DMD: variants seen among roughly 807,000 people sequenced by gnomAD.
The protein encoded by DMD is dystrophin.
In DMD, 63 loss-of-function variants were observed where a neutral mutation model predicts 330.1. That is an observed-to-expected ratio of 0.19 (90% CI 0.16 to 0.24). The LOEUF (loss-of-function observed/expected upper bound fraction) is 0.24. DMD is among the 10% of genes least tolerant of loss of function. DMD has a pLI of 1.00. For missense variants in DMD, 3,344 were observed against 2,684.1 expected (o/e 1.25, Z -5.43); for synonymous variants, 1,223 against 959.8 (o/e 1.27, Z -5.07).
intron 21 of DMD, among the ~76,000 whole-genome samples, chrX:32,479,060 T>A (rs1180044975): frequency 9.0e-6 from 1 of 111,314 alleles, no homozygotes; most frequent in Non-Finnish European, 1.9e-5. Context: ...AATTTAAGAG[T>A]TTTTTTCTTT....
chrX:33,192,239 T>C (rs1167490099), intron 1 of DMD, among the ~76,000 whole-genome samples: 1 of 112,063 alleles, frequency 8.9e-6, no homozygotes, highest in African/African-American at 3.2e-5. Flanking sequence ...AGCATAACAG[T>C]CATGTTTTAT....
intron 52 of DMD, among the ~76,000 whole-genome samples, chrX:31,697,123 G>T (rs956042229): frequency 2.7e-5 from 3 of 111,639 alleles, no homozygotes; most frequent in African/African-American, 9.7e-5. Context: ...CCTGGTAATT[G>T]TCCATAACTG....
At chrX:32,589,965 A>G (rs772014736) in intron 13 of DMD, among the ~76,000 whole-genome samples, 3 of 112,026 alleles carry the variant, frequency 2.7e-5, no homozygotes, top group African/African-American at 9.7e-5. Flanking sequence ...ATAGAGAAAG[A>G]TAGACTCACC....
chrX:31,275,948 G>A, intron 62 of DMD, among the ~76,000 whole-genome samples: 1 of 111,777 alleles, frequency 8.9e-6, no homozygotes, highest in African/African-American at 3.3e-5. Context: ...AAGGCTTTAG[G>A]GCAACTTATA....
chrX:31,940,497 A>T (rs1259840412), intron 45 of DMD, among the ~76,000 whole-genome samples: 2 of 111,455 alleles, frequency 1.8e-5, no homozygotes, highest in Non-Finnish European at 3.8e-5. Context: ...GTTCTTTTTC[A>T]TTCTTATGTA....
At chrX:32,304,401 T>C (rs1196304008) in intron 42 of DMD, among the ~76,000 whole-genome samples, 1 of 110,819 alleles carries the variant, frequency 9.0e-6, no homozygotes, top group East Asian at 2.8e-4. Context: ...ATAGTCAAGG[T>C]AGGACAACTG....
At chrX:31,442,791 A>G (rs17338563) in intron 60 of DMD, among the ~76,000 whole-genome samples, 12,013 of 111,344 alleles carry the variant, frequency 0.11, 572 homozygotes, top group East Asian at 0.29. Flanking sequence ...TGGAACAGAT[A>G]AAATTTTAAT....
chrX:33,028,447 T>G (rs1004732060), intron 1 of DMD, among the ~76,000 whole-genome samples: 2 of 112,043 alleles, frequency 1.8e-5, no homozygotes, highest in Non-Finnish European at 3.8e-5. Flanking sequence ...CTTCACAATT[T>G]GACTCCAGTG....
At chrX:33,295,222 TCTACA>T (rs757426035) in intron 1 of DMD, among the ~76,000 whole-genome samples, 279 of 111,576 alleles carry the variant, frequency 2.5e-3, no homozygotes, top group African/African-American at 8.6e-3. Flanking sequence ...TTCACTGTCG[TCTACA>T]CTTGTGAGGT....
intron 4 of DMD, among the ~76,000 whole-genome samples, chrX:32,839,868 G>T (rs1020347565): frequency 9.0e-6 from 1 of 110,694 alleles, no homozygotes. Flanking sequence ...ACACCACCAC[G>T]CTCAGCTAAT....
At chrX:31,415,946 G>A (rs1459165101) in intron 60 of DMD, among the ~76,000 whole-genome samples, 1 of 111,201 alleles carries the variant, frequency 9.0e-6, no homozygotes, top group African/African-American at 3.3e-5. Context: ...TGATAATAAA[G>A]GTTTATTTCC....
chrX:31,893,571 A>T (rs901325748), intron 47 of DMD, among the ~76,000 whole-genome samples: 1 of 102,898 alleles, frequency 9.7e-6, no homozygotes, highest in South Asian at 5.4e-4. Flanking sequence ...ACACAAAAAA[A>T]GGGGAAAGGG....
At chrX:32,688,687 A>T (rs761206364) in intron 9 of DMD, among the ~76,000 whole-genome samples, 1 of 111,622 alleles carries the variant, frequency 9.0e-6, no homozygotes, top group African/African-American at 3.3e-5. Context: ...GAGAGAAAAT[A>T]GCATATGCAG....
intron 29 of DMD, among the ~76,000 whole-genome samples, chrX:32,425,887 G>A (rs1287211452): frequency 1.8e-5 from 2 of 111,668 alleles, no homozygotes; most frequent in Non-Finnish European, 3.8e-5. Context: ...CAAGCAATGA[G>A]GAAAGGACTC....
chrX:32,583,998 T>G, intron 13 of DMD, among the ~76,000 whole-genome samples: 1 of 111,018 alleles, frequency 9.0e-6, no homozygotes, highest in Non-Finnish European at 1.9e-5. Flanking sequence ...AAGAGATATA[T>G]CATTACGGAG....
intron 43 of DMD, among the ~76,000 whole-genome samples, chrX:32,286,457 G>T (rs777465450): frequency 2.7e-5 from 3 of 111,769 alleles, no homozygotes; most frequent in Non-Finnish European, 5.6e-5. Flanking sequence ...TCTGCAAATT[G>T]ATTTAATATC....
chrX:32,422,657 T>C (rs770549390), intron 29 of DMD, among the ~76,000 whole-genome samples: 12 of 111,902 alleles, frequency 1.1e-4, no homozygotes, highest in African/African-American at 3.6e-4. Flanking sequence ...TATATGCATT[T>C]TATGATTTAA....
intron 1 of DMD, among the ~76,000 whole-genome samples, chrX:33,278,178 T>A (rs894151505): frequency 6.2e-5 from 7 of 112,056 alleles, no homozygotes; most frequent in Non-Finnish European, 7.5e-5. Flanking sequence ...TTTCCTTTTT[T>A]ACATTTCAAC....
At chrX:33,008,913 T>TATGTATATATACATGTATATATACAC (rs2093472187) in intron 2 of DMD, among the ~76,000 whole-genome samples, 1 of 86,142 alleles carries the variant, frequency 1.2e-5, no homozygotes, top group African/African-American at 3.9e-5. Flanking sequence ...CATACTCATA[T>TATGTATATATACATGTATATATACAC]ATGTATATAT....
Sources: allele counts gnomAD v4.1 joint callset (sites outside exome capture counted in the v4.1 genomes callset), GRCh38; gene constraint gnomAD v4.1.1; transcripts MANE v1.5; gene names NCBI Gene and HGNC (gene_info 2026-07-23, HGNC 2026-07-21).